Variants in BAG6 observed in about 807,000 individuals in gnomAD.
BAG6 encodes BAG cochaperone 6, also known as large proline-rich protein BAG6.
In BAG6, 22 loss-of-function variants were observed where a neutral mutation model predicts 121.0. That is an observed-to-expected ratio of 0.18 (90% confidence interval 0.13 to 0.26). The LOEUF is 0.26. BAG6 is among the 10% of genes least tolerant of loss of function. The pLI is 1.00. For synonymous variants in BAG6, 583 were observed against 584.6 expected, an observed-to-expected ratio of 1.00 and a Z score of 0.04; for missense variants, 1,233 against 1,537.7, an observed-to-expected ratio of 0.80 and a Z score of 3.31.
chr6:31,651,732 A>C lies in BAG6; in HGVS notation c.32T>G (p.Val11Gly), dbSNP rs768809201. ...CACCTCCAAGCTGTCAGGCTCCTCC[A>C]CAGCGGTACTGGTACTATCATTAGG... MEPNDSTSTA[V>G]EEPDSLEVLV... The change falls in exon 2 of 26, where the codon GTG becomes GGG. Residue 11 changes from valine to glycine, a missense_variant. By Grantham distance (109) the Val-to-Gly change is moderately radical (BLOSUM62 -3). Coordinates refer to ENST00000676615, the MANE Select transcript of BAG6 (RefSeq NM_001387994.1). 1 of 1,613,036 alleles carries C rather than the reference A, an allele frequency of 6.2e-7. No homozygotes were observed. The highest frequency in any genetic ancestry group is 8.5e-7 in the Non-Finnish European group (1 of 1,180,024).
chr6:31,652,018 C>A (rs1435600333), intron 1 of BAG6: 3 of 459,252 alleles, frequency 6.5e-6, no homozygotes, highest in Admixed American at 6.4e-5. Flanking sequence ...ACGCCAATCA[C>A]AATAAGCAGG....
rs1199236080 is a variant in BAG6 at position 31,644,640 on chromosome 6, T to C, written c.1370-38A>G. ...ACAGAGACAGTGGCCCTGAGGTAGGTAGGGCCAAGGCCTAACTATATCCTT... is the reference window on the plus strand; with the variant it reads ...ACAGAGACAGTGGCCCTGAGGTAGGCAGGGCCAAGGCCTAACTATATCCTT... On this transcript the variant is annotated intron_variant, in intron 10 of 25. Transcript: ENST00000676615. The surrounding 1 kb of genome is among the most constrained non-coding windows in gnomAD (Gnocchi z 4.9). 2 of 1,587,272 alleles carry C rather than the reference T, an allele frequency of 1.3e-6. No individual in the cohort carries two copies. Among genetic ancestry groups the C allele is most frequent in the East Asian group, 2.2e-5 (1 of 44,730 alleles).
intron 25 of BAG6, 93 bp downstream of exon 25, chr6:31,639,407 G>C: frequency 6.5e-7 from 1 of 1,538,204 alleles, no homozygotes; most frequent in Non-Finnish European, 8.8e-7. Flanking sequence ...GTAGCACCAG[G>C]CTGACCAGTT....
In BAG6 at chr6:31,644,423, C is replaced by T. The variant is rs1786554053; in HGVS notation, c.1448-9G>A. ...CTGGATGAGGGTGGAGCCTGGGGGG[C>T]GGGTCTGATGTAACCTTGAACCTGG... On this transcript the variant is annotated splice_polypyrimidine_tract_variant and intron_variant, in intron 11 of 25. Coordinates refer to ENST00000676615, the MANE Select transcript of BAG6 (RefSeq NM_001387994.1). The surrounding 1 kb of genome is among the most constrained non-coding windows in gnomAD (Gnocchi z 4.9). The T allele has an allele frequency of 3.9e-6, 6 of 1,550,250 alleles. No individual in the cohort carries two copies. The highest frequency in any genetic ancestry group is 2.4e-5 in the East Asian group (1 of 41,370).
chr6:31,644,689 C>A lies in BAG6; in HGVS notation c.1370-87G>T. On this transcript the variant is annotated intron_variant, in intron 10 of 25. Coordinates refer to ENST00000676615, the MANE Select transcript of BAG6 (RefSeq NM_001387994.1). This position sits in a 1 kb window ranked among gnomAD's most constrained non-coding sequence, Gnocchi z 4.9. ...TTCTGAGATCAGGCATACTTCAGGC[C>A]CATAATCCCCCAATCAGAAAGCCTG... The A allele has an allele frequency of 7.2e-7, 1 of 1,396,044 alleles. No individual in the cohort carries two copies. Among genetic ancestry groups the A allele is most frequent in the Non-Finnish European group, 1.0e-6 (1 of 994,388 alleles). 86.5% of individuals were successfully genotyped at this position (1,396,044 alleles called of 1,614,324 possible). A position where few individuals can be genotyped will look rare whatever the true frequency, so the allele number is the denominator to read the frequency against.
chr6:31,652,353 A>ACACACACC (rs1554157564), intron 1 of BAG6, 71 bp downstream of exon 1: 4 of 132,842 alleles, frequency 3.0e-5, no homozygotes, highest in East Asian at 4.3e-4. Flanking sequence ...ACACACACAC[A>ACACACACC]CACACACCCA....
At position 31,647,698 on chromosome 6, in the gene BAG6, G is replaced by T; in HGVS notation, c.681C>A (p.Pro227=). ...GCTCCTCCACTTCTTCTGCCTCCAT[G>T]GGCTCCCGGGGAGGTGCTTCACTTT... ...PVESEAPPRE[P]MEAEEVEERA... Residue 227 remains proline (P), a synonymous_variant, in exon 7 of 26, where the codon CCC becomes CCA. Coordinates refer to ENST00000676615, the MANE Select transcript of BAG6 (RefSeq NM_001387994.1). The T allele has an allele frequency of 6.2e-7, 1 of 1,603,588 alleles. No homozygotes were observed. Among genetic ancestry groups the T allele is most frequent in the Non-Finnish European group, 8.5e-7 (1 of 1,176,406 alleles).
intron 15 of BAG6, 76 bp from the exon 16 acceptor site, chr6:31,642,479 A>T (rs568118613): frequency 2.7e-6 from 2 of 729,832 alleles, no homozygotes; most frequent in Non-Finnish European, 4.6e-6. Flanking sequence ...CGGCATCAAG[A>T]GGGCACAAAC....
chr6:31,649,489 C>A (rs1793939653), intron 3 of BAG6, 21 bp downstream of exon 3: 1 of 1,613,502 alleles, frequency 6.2e-7, no homozygotes, highest in Non-Finnish European at 8.5e-7. Context: ...AACCTCTGAA[C>A]TGCCTCCCCA....
At chr6:31,650,470 T>C (rs982919486) in intron 2 of BAG6, among the ~76,000 whole-genome samples, 1 of 152,120 alleles carries the variant, frequency 6.6e-6, no homozygotes, top group African/African-American at 2.4e-5. Flanking sequence ...AAGACCAGCC[T>C]GGCCAACACG....
chr6:31,645,140 G>A lies in BAG6; in HGVS notation c.1175C>T (p.Pro392Leu). 1 of 1,612,986 alleles carries A rather than the reference G, an allele frequency of 6.2e-7. No homozygotes were observed. Residue 392 changes from proline (P) to leucine (L), a missense_variant, in exon 10 of 26, where the codon CCC becomes CTC. Coordinates refer to ENST00000676615, the MANE Select transcript of BAG6 (RefSeq NM_001387994.1). ...TGNGTRPPPT[P>L]NAEAPPPGPG... ...ACCAGGGGGAGGTGCCTCTGCATTG[G>A]GAGTTGGGGGGGGCCGAGTCCCATT...
At chr6:31,643,647 CCGGG>C (rs1785236695) in intron 14 of BAG6, among the ~76,000 whole-genome samples, 1 of 141,126 alleles carries the variant, frequency 7.1e-6, no homozygotes. Context: ...TCACTTGAAC[CCGGG>C]AGGCAGAGGT....
chr6:31,646,629 C>A, intron 7 of BAG6, 106 bp from the exon 8 acceptor site: 1 of 1,444,700 alleles, frequency 6.9e-7, no homozygotes, highest in Non-Finnish European at 9.3e-7. Context: ...CTCCCAGAGC[C>A]CTGGCCCAAT....
rs1452379754 is a variant in BAG6 at position 31,642,351 on chromosome 6, G to A, written c.2096C>T (p.Ala699Val). 1.3e-6 allele frequency: 2 copies of A among 1,519,472 alleles called. No individual in the cohort carries two copies. Among genetic ancestry groups the A allele is most frequent in the Admixed American group, 2.0e-5 (1 of 50,210 alleles). 94.1% of individuals were successfully genotyped at this position (1,519,472 alleles called of 1,614,324 possible). Residue 699 changes from alanine (A) to valine (V), a missense_variant, in exon 16 of 26, where the codon GCC becomes GTC. Physicochemically the swap from Ala to Val is moderately conservative, Grantham distance 64. Coordinates refer to ENST00000676615, the MANE Select transcript of BAG6 (RefSeq NM_001387994.1). ...TGGGGGCATGGTCTGCTGCTCTGGG[G>A]CAGGTGGTGGGGGTGGAGGAGGTGG... ...PPPPPPPPPP[A>V]PEQQTMPPPG...
chr6:31,641,845 C>T lies in BAG6; in HGVS notation c.2436G>A (p.Gln812=), dbSNP rs753022786. ...HGHFQPLQRL[Q]PQLRSFFHQH... The stretch of plus-strand genomic sequence containing the variant: ...GGTGGAAGAAGGATCGCAGCTGGGG[C>T]TGGAGCCGTTGTAGTGGCTGGAAAT... Residue 812 remains glutamine, a synonymous_variant, in exon 17 of 26, where the codon CAG becomes CAA. Coordinates refer to ENST00000676615, the MANE Select transcript of BAG6 (RefSeq NM_001387994.1). The surrounding 1 kb of genome is among the most constrained non-coding windows in gnomAD (Gnocchi z 5.7). 2 of 1,613,076 alleles carry T rather than the reference C, an allele frequency of 1.2e-6. No homozygotes were observed. The highest frequency in any genetic ancestry group is 3.3e-5 in the Admixed American group (2 of 60,020).
At position 31,641,076 on chromosome 6, in the gene BAG6, TA is replaced by T. The variant is rs747878483; in HGVS notation, c.2787+27del. The T allele has an allele frequency of 2.5e-6, 4 of 1,612,124 alleles. No homozygotes were observed. The South Asian group carries it at 3.3e-5, about 13-fold the overall frequency. On this transcript the variant is annotated intron_variant, in intron 20 of 25. Transcript: ENST00000676615. This position sits in a 1 kb window ranked among gnomAD's most constrained non-coding sequence, Gnocchi z 5.7. ...ATGGAAACCTCAGGAAACAAAAGGC[TA>T]AGGATCTGGGGCTAGGTGGTGCTTA... is the stretch of plus-strand genomic sequence containing the variant.
chr6:31,639,650 G>A lies in BAG6; in HGVS notation c.3247-4C>T. 6.2e-7 allele frequency: 1 copy of A among 1,604,070 alleles called. No individual in the cohort carries two copies. Among genetic ancestry groups the A allele is most frequent in the Non-Finnish European group, 8.5e-7 (1 of 1,174,212 alleles). On this transcript the variant is annotated splice_region_variant and splice_polypyrimidine_tract_variant and intron_variant, in intron 24 of 25. Transcript: ENST00000676615. ...GGGGGCCCTCACCCTGCATCGTCTG[G>A]GGGACAGGGGGTTGGGAGGGAAAAG... is the stretch of plus-strand genomic sequence containing the variant.
chr6:31,641,421 G>C lies in BAG6; in HGVS notation c.2561C>G (p.Ser854Cys). Residue 854 changes from serine to cysteine, a missense_variant and splice_region_variant, in exon 19 of 26, where the codon TCC becomes TGC. Ser to Cys is a moderately radical substitution (Grantham distance 112, BLOSUM62 -1). Around this residue, in one of 7 missense-constraint regions of BAG6, gnomAD observed 288 missense variants for 483.1 expected, o/e 0.60. Transcript: ENST00000676615. The surrounding 1 kb of genome is among the most constrained non-coding windows in gnomAD (Gnocchi z 5.7). ...GLEEYVRESF[S>C]LVQVQPGVDI... is the part of the protein sequence containing the mutation. ...CACACCTGGCTGAACCTGCACCAAGGACTGAGAGACAAGATAACACAAAGA... is the reference window on the plus strand; with the variant it reads ...CACACCTGGCTGAACCTGCACCAAGCACTGAGAGACAAGATAACACAAAGA... 6.2e-7 allele frequency: 1 copy of C among 1,614,208 alleles called. No individual in the cohort carries two copies. Among genetic ancestry groups the C allele is most frequent in the Non-Finnish European group, 8.5e-7 (1 of 1,180,040 alleles).
At position 31,644,300 on chromosome 6, in the gene BAG6, TCATTACCTGCGGCCGCG is replaced by T; in HGVS notation, c.1545_1555+6del. 6.4e-7 allele frequency: 1 copy of T among 1,552,560 alleles called. No homozygotes were observed. Among genetic ancestry groups the T allele is most frequent in the Non-Finnish European group, 8.7e-7 (1 of 1,147,530 alleles). The stretch of plus-strand genomic sequence containing the variant: ...TACCTCCCAAGCCTCCCCTTCCAGG[TCATTACCTGCGGCCGCG>T]GAGGCAACAGCTGCCACCATGGCCT... On this transcript the variant is annotated splice_donor_variant and splice_donor_5th_base_variant and coding_sequence_variant and intron_variant, in exon 12 of 26. Coordinates refer to ENST00000676615, the MANE Select transcript of BAG6 (RefSeq NM_001387994.1). LOFTEE classifies it high-confidence loss of function. This position sits in a 1 kb window ranked among gnomAD's most constrained non-coding sequence, Gnocchi z 4.9.
Sources: gnomAD v4.1 joint callset for allele counts (sites outside exome capture counted in the v4.1 genomes callset) on GRCh38, gnomAD v4.1.1 for gene constraint, gnomAD v4.1.1 regional missense constraint, Gnocchi (gnomAD v3.1) non-coding constraint, MANE v1.5 for transcripts, NCBI Gene and HGNC (gene_info 2026-07-23, HGNC 2026-07-21) for gene names.